The following MBD5 variants were observed in gnomAD, a reference collection of about 807,000 sequenced individuals.
MBD5 encodes methyl-CpG-binding domain protein 5.
A neutral mutation model predicts 117.3 loss-of-function variants in MBD5; 13 were observed. That is an observed-to-expected ratio of 0.11 (90% CI 0.07 to 0.18). The LOEUF (loss-of-function observed/expected upper bound fraction) is 0.18, where lower values mean the gene tolerates loss of function less well. Ranked by LOEUF, MBD5 falls within the 10% of genes least tolerant of loss-of-function variation. The pLI is 1.00. For missense variants in MBD5, 1,879 were observed against 2,093.8 expected, an observed-to-expected ratio of 0.90 and a Z score of 2.00; for synonymous variants, 727 against 766.4, an observed-to-expected ratio of 0.95 and a Z score of 0.85.
intron 1 of MBD5, among the ~76,000 whole-genome samples, chr2:148,057,390 A>G (rs151316810): frequency 1.4e-4 from 21 of 151,690 alleles, no homozygotes; most frequent in African/African-American, 5.1e-4. Flanking sequence ...GCTATATTTC[A>G]CAGGCTTTGT....
At chr2:148,309,533 G>C (rs1377440266) in intron 3 of MBD5, among the ~76,000 whole-genome samples, 1 of 152,152 alleles carries the variant, frequency 6.6e-6, no homozygotes, top group Non-Finnish European at 1.5e-5. Flanking sequence ...TCAGCTTAAG[G>C]AGATTTTGGG....
intron 4 of MBD5, among the ~76,000 whole-genome samples, chr2:148,393,848 T>C (rs1277678542): frequency 3.3e-5 from 5 of 152,182 alleles, no homozygotes. Flanking sequence ...GAAAGATTAG[T>C]AGCAGTGACA....
chr2:148,322,738 C>A (rs1440180883), intron 3 of MBD5, among the ~76,000 whole-genome samples: 1 of 152,010 alleles, frequency 6.6e-6, no homozygotes, highest in African/African-American at 2.4e-5. Context: ...CTTAGTCCAA[C>A]TAAATGTCAT....
rs980384856 is a variant in MBD5, at chr2:148,271,533, C to A, written c.-680+38138C>A. 5.9e-5 allele frequency among the ~76,000 whole-genome samples: 9 copies of A among 152,096 alleles called. No individual in the cohort carries two copies. In the East Asian group the frequency reaches 1.2e-3, roughly 20 times the overall value. On this transcript the variant is annotated intron_variant, in intron 3 of 13. Transcript: ENST00000642680. ...CTGTGTTATTTCTAGTATAAAAGTT[C>A]ATAAAGTACATATCCTCATTGTGGA...
rs145325519 is a variant in MBD5 at position 148,121,079 on chromosome 2, T to C, written c.-924-57621T>C. On this transcript the variant is annotated intron_variant, in intron 1 of 13. Transcript: ENST00000642680. ...AAGTAGCCAAAATATCTTTCACCTTTATTAACAGCATTGTCTAGTGCATCC... is the reference window on the plus strand; with the variant it reads ...AAGTAGCCAAAATATCTTTCACCTTCATTAACAGCATTGTCTAGTGCATCC... 4.6e-5 allele frequency among the ~76,000 whole-genome samples: 7 copies of C among 152,336 alleles called. No homozygotes were observed. In the East Asian group the frequency reaches 1.3e-3, roughly 29 times the overall value.
At chr2:148,333,841 G>C (rs895592394) in intron 3 of MBD5, among the ~76,000 whole-genome samples, 5 of 151,684 alleles carry the variant, frequency 3.3e-5, no homozygotes, top group East Asian at 2.0e-4. Flanking sequence ...CTGGACAACA[G>C]AGCAAGACCC....
At chr2:148,286,930 A>G (rs750574691) in intron 3 of MBD5, among the ~76,000 whole-genome samples, 5 of 152,218 alleles carry the variant, frequency 3.3e-5, no homozygotes, top group Non-Finnish European at 7.4e-5. Flanking sequence ...GCAACAAAGG[A>G]TAAATGACAT....
At chr2:148,218,884 G>A (rs1699618301) in intron 2 of MBD5, among the ~76,000 whole-genome samples, 1 of 152,192 alleles carries the variant, frequency 6.6e-6, no homozygotes, top group African/African-American at 2.4e-5. Flanking sequence ...GTGAGTGAAT[G>A]CGAAGGCCTA....
rs560064292 is a variant in MBD5, at chr2:148,445,472, A to T, written c.-556-12731A>T. On this transcript the variant is annotated intron_variant, in intron 4 of 13. Coordinates refer to ENST00000642680, the MANE Select transcript of MBD5 (RefSeq NM_001378120.1). ...CCCTACAAAGGACATGAACTCATCA[A>T]TTTTTATGGCTGCATAGTATTCCAT... 3.3e-4 allele frequency among the ~76,000 whole-genome samples: 50 copies of T among 151,210 alleles called. 1 individual carries two copies. The South Asian group carries it at 3.9e-3, about 12-fold the overall frequency.
chr2:148,464,046 GTCCTGTAAT>G, intron 7 of MBD5, 127 bp downstream of exon 7: 2 of 955,832 alleles, frequency 2.1e-6, no homozygotes, highest in Non-Finnish European at 3.1e-6. Context: ...AATTCTGTAT[GTCCTGTAAT>G]TTTATTACAA....
chr2:148,413,477 G>A (rs1431304268), intron 4 of MBD5, among the ~76,000 whole-genome samples: 1 of 149,748 alleles, frequency 6.7e-6, no homozygotes, highest in Non-Finnish European at 1.5e-5. Flanking sequence ...CGGCTTCATA[G>A]AGTGAATTAG....
intron 2 of MBD5, among the ~76,000 whole-genome samples, chr2:148,226,385 A>C (rs1313154895): frequency 6.6e-6 from 1 of 151,984 alleles, no homozygotes; most frequent in African/African-American, 2.4e-5. Context: ...TCCTTGTGAT[A>C]GTTTGCTGAG....
Position 148,458,565 on chromosome 2 carries a change from G to A in MBD5, c.-194G>A. 3.2e-6 allele frequency: 2 copies of A among 621,738 alleles called. No homozygotes were observed. Among genetic ancestry groups the A allele is most frequent in the Non-Finnish European group, 5.8e-6 (2 of 345,890 alleles). 38.5% of individuals were successfully genotyped at this position (621,738 alleles called of 1,614,324 possible). A position where few individuals can be genotyped will look rare whatever the true frequency, so the allele number is the denominator to read the frequency against. On this transcript the variant is annotated 5_prime_UTR_variant, in exon 5 of 14. Transcript: ENST00000642680. ...TGGTTATTTAATGTAGATTATAATG[G>A]GAAGCTGATTTTTTTCACAATGGCA... is the stretch of plus-strand genomic sequence containing the variant.
At chr2:148,329,985 T>C (rs1702590458) in intron 3 of MBD5, among the ~76,000 whole-genome samples, 1 of 149,078 alleles carries the variant, frequency 6.7e-6, no homozygotes, top group South Asian at 2.1e-4. Flanking sequence ...TTGAAGATAA[T>C]ACCGATAAGG....
chr2:148,317,528 A>G (rs1702183342), intron 3 of MBD5, among the ~76,000 whole-genome samples: 1 of 152,160 alleles, frequency 6.6e-6, no homozygotes, highest in African/African-American at 2.4e-5. Context: ...GTGTAGTGGT[A>G]AAGTCTGGGC....
At chr2:148,305,163 A>C (rs1009827111) in intron 3 of MBD5, among the ~76,000 whole-genome samples, 13 of 152,200 alleles carry the variant, frequency 8.5e-5, no homozygotes, top group Non-Finnish European at 1.6e-4. Context: ...TACTTGCTTA[A>C]AGTAGACTAA....
intron 1 of MBD5, among the ~76,000 whole-genome samples, chr2:148,103,640 C>A (rs1696290434): frequency 6.6e-6 from 1 of 152,120 alleles, no homozygotes. Flanking sequence ...ATATACCCAC[C>A]TTTTCCATCC....
intron 4 of MBD5, among the ~76,000 whole-genome samples, chr2:148,448,148 T>A (rs1226839979): frequency 6.6e-6 from 1 of 151,954 alleles, no homozygotes. Flanking sequence ...CAACCATGGG[T>A]TTTACTACTT....
chr2:148,470,232 T>G lies in MBD5; in HGVS notation c.2289T>G (p.Asn763Lys), dbSNP rs1680749842. 1 of 1,613,862 alleles carries G rather than the reference T, an allele frequency of 6.2e-7. No homozygotes were observed. The highest frequency in any genetic ancestry group is 1.3e-5 in the African/African-American group (1 of 74,906). Residue 763 changes from asparagine to lysine, a missense_variant, in exon 8 of 14, where the codon AAT (asparagine) becomes AAG (lysine). By Grantham distance (94) the Asn-to-Lys change is moderately conservative (BLOSUM62 0). This residue lies in a region of MBD5 where 1,666 missense variants were observed against 1,792.2 expected (regional missense o/e 0.93). Transcript: ENST00000642680. The stretch of plus-strand genomic sequence containing the variant: ...GAGGGGAAGCCGTGCACTGCCACAA[T>G]GCAAACACTAACTTTGTTCACAGTA... ...PLRGEAVHCHNANTNFVHSNS... is the reference protein window; with the variant it reads ...PLRGEAVHCHKANTNFVHSNS...
Sources: gnomAD v4.1 joint callset for allele counts (sites outside exome capture counted in the v4.1 genomes callset) on GRCh38, gnomAD v4.1.1 for gene constraint, gnomAD v4.1.1 regional missense constraint, MANE v1.5 for transcripts, NCBI Gene and HGNC (gene_info 2026-07-23, HGNC 2026-07-21) for gene names.